The following DLC1 variants were observed in gnomAD, a reference collection of about 807,000 sequenced individuals.
The protein encoded by DLC1 is DLC1 Rho GTPase activating protein.
In DLC1, 54 loss-of-function variants were observed where a neutral mutation model predicts 140.3. The observed-to-expected ratio is 0.38, with a 90% CI of 0.31 to 0.48. The LOEUF (loss-of-function observed/expected upper bound fraction) is 0.48. Among genes scored for constraint, DLC1 ranks in the 20% least tolerant of loss-of-function variants. The pLI, the probability that DLC1 is intolerant of heterozygous loss-of-function variation, is 0.96. For synonymous variants in DLC1, 986 were observed against 728.1 expected, an observed-to-expected ratio of 1.35 and a Z score of -5.70; for missense variants, 2,536 against 1,907.0, an observed-to-expected ratio of 1.33 and a Z score of -6.14.
Position 13,264,720 on chromosome 8 carries a change from A to G in DLC1, c.1348+40549T>C, listed in dbSNP as rs557345787. ...TTGGATGTTTAAAATATTTAGTAAA[A>G]TAATCTTGGTATTAGTTAATTGATA... On this transcript the variant is annotated intron_variant, in intron 5 of 17. Transcript: ENST00000276297. 3.9e-5 allele frequency among the ~76,000 whole-genome samples: 6 copies of G among 152,352 alleles called. No homozygotes were observed. The South Asian group carries it at 1.2e-3, about 32-fold the overall frequency.
chr8:13,310,037 C>A (rs531872921), intron 4 of DLC1, among the ~76,000 whole-genome samples: 1 of 151,856 alleles, frequency 6.6e-6, no homozygotes, highest in Admixed American at 6.6e-5. Flanking sequence ...CCTCTTAGTT[C>A]TTTAGAATCA....
chr8:13,475,763 G>A (rs1028593388), intron 2 of DLC1, among the ~76,000 whole-genome samples: 2 of 152,174 alleles, frequency 1.3e-5, no homozygotes, highest in African/African-American at 4.8e-5. Flanking sequence ...AAGTGAGGCT[G>A]CAGTGAGTGG....
At chr8:13,224,412 A>G (rs1828694928) in intron 5 of DLC1, among the ~76,000 whole-genome samples, 1 of 152,176 alleles carries the variant, frequency 6.6e-6, no homozygotes, top group Non-Finnish European at 1.5e-5. Context: ...ACTGTTTATT[A>G]AGGGCTTGAG....
Position 13,431,090 on chromosome 8 carries a change from T to C in DLC1, c.1024-29471A>G, listed in dbSNP as rs973056864. 2.0e-5 allele frequency among the ~76,000 whole-genome samples: 3 copies of C among 152,230 alleles called. No homozygotes were observed. In the South Asian group the frequency reaches 6.2e-4, roughly 31 times the overall value. On this transcript the variant is annotated intron_variant, in intron 2 of 17. Coordinates refer to ENST00000276297, the MANE Select transcript of DLC1 (RefSeq NM_182643.3). ...TGAGTTTGAGCTCTTTAGGTTGTCC[T>C]TCTCAGAAACACTATTCAAAGTAGC...
At chr8:13,191,960 T>A (rs199677859) in intron 5 of DLC1, among the ~76,000 whole-genome samples, 2 of 99,116 alleles carry the variant, frequency 2.0e-5, no homozygotes, top group South Asian at 3.5e-4. Flanking sequence ...TATTATTATT[T>A]TTATGGAGTC....
chr8:13,144,548 G>A (rs560214962), intron 5 of DLC1, among the ~76,000 whole-genome samples: 2 of 152,226 alleles, frequency 1.3e-5, no homozygotes, highest in Admixed American at 6.5e-5. Flanking sequence ...GGCAGATCAC[G>A]AGATCAGGAG....
chr8:13,110,952 C>T, intron 6 of DLC1, 129 bp from the exon 7 acceptor site: 1 of 755,660 alleles, frequency 1.3e-6, no homozygotes. Context: ...ACACCTCATT[C>T]CCCGTCAAGT....
intron 4 of DLC1, among the ~76,000 whole-genome samples, chr8:13,314,731 G>C (rs767240049): frequency 1.3e-5 from 2 of 152,216 alleles, no homozygotes; most frequent in East Asian, 3.9e-4. Context: ...ACCACAAAAA[G>C]AATACAGATT....
At chr8:13,248,494 C>T (rs1469434667) in intron 5 of DLC1, among the ~76,000 whole-genome samples, 1 of 152,144 alleles carries the variant, frequency 6.6e-6, no homozygotes, top group Non-Finnish European at 1.5e-5. Flanking sequence ...TCCCCAGTTA[C>T]TCCCCCTTAT....
intron 3 of DLC1, among the ~76,000 whole-genome samples, chr8:13,396,294 C>T (rs552021007): frequency 6.6e-5 from 10 of 152,154 alleles, no homozygotes; most frequent in African/African-American, 1.4e-4. Context: ...CTCCTGACCT[C>T]GTGATCCGTC....
rs1216542830 is a variant in DLC1 at position 13,095,165 on chromosome 8, T to C, written c.3248A>G (p.Asn1083Ser). Residue 1083 changes from asparagine to serine, a missense_variant, in exon 11 of 18, where the codon AAC (asparagine) becomes AGC (serine). Asn to Ser is a conservative substitution (Grantham distance 46). Transcript: ENST00000276297. ...CAACGGTTGTCCTGTGCGCTGCACG[T>C]TGACCGTCAGTGGGACCCCAAACAC... ...RSVFGVPLTVNVQRTGQPLPQ... is the reference protein window; with the variant it reads ...RSVFGVPLTVSVQRTGQPLPQ... 7.4e-6 allele frequency: 12 copies of C among 1,614,148 alleles called. No individual in the cohort carries two copies. The highest frequency in any genetic ancestry group is 1.0e-5 in the Non-Finnish European group (12 of 1,180,058).
At chr8:13,474,172 T>C (rs1600792) in intron 2 of DLC1, among the ~76,000 whole-genome samples, 151,880 of 152,254 alleles carry the variant, frequency 1, 75,756 homozygotes, top group Middle Eastern at 1. Flanking sequence ...AGTCTGGGGA[T>C]TTGGTGGCCT....
At chr8:13,180,775 C>G (rs1379122009) in intron 5 of DLC1, among the ~76,000 whole-genome samples, 1 of 152,170 alleles carries the variant, frequency 6.6e-6, no homozygotes, top group African/African-American at 2.4e-5. Context: ...AAAACCATCA[C>G]ATGAAATTAA....
chr8:13,322,178 A>T (rs1294372169), intron 4 of DLC1, among the ~76,000 whole-genome samples: 1 of 152,190 alleles, frequency 6.6e-6, no homozygotes, highest in African/African-American at 2.4e-5. Context: ...TAAATGTGTT[A>T]ATTTCTTAAA....
At chr8:13,158,732 CT>C (rs747886209) in intron 5 of DLC1, among the ~76,000 whole-genome samples, 184 of 18,172 alleles carry the variant, frequency 0.01, no homozygotes, top group Non-Finnish European at 0.02. Flanking sequence ...AACCACCACC[CT>C]CCCCCCCCCC....
At chr8:13,394,305 C>G (rs1475056361) in intron 3 of DLC1, among the ~76,000 whole-genome samples, 1 of 152,184 alleles carries the variant, frequency 6.6e-6, no homozygotes, top group Admixed American at 6.5e-5. Flanking sequence ...ATAGTAGACA[C>G]TCATGGAGTT....
At chr8:13,565,699 AAGAG>A (rs370934370) in intron 1 of DLC1, among the ~76,000 whole-genome samples, 13 of 151,954 alleles carry the variant, frequency 8.6e-5, no homozygotes, top group East Asian at 1.9e-4. Context: ...CACAGGAAGA[AAGAG>A]AGAGAGAGAC....
intron 1 of DLC1, among the ~76,000 whole-genome samples, chr8:13,592,036 G>C (rs1369886705): frequency 6.6e-6 from 1 of 152,116 alleles, no homozygotes; most frequent in South Asian, 2.1e-4. Context: ...TTAAAGGCTT[G>C]GAACTGGGTA....
intron 5 of DLC1, among the ~76,000 whole-genome samples, chr8:13,213,599 C>T (rs374995139): frequency 2.0e-4 from 31 of 152,232 alleles, no homozygotes; most frequent in South Asian, 6.2e-4. Context: ...TCATTTCCGG[C>T]GAAAGAAACC....
Sources: allele counts gnomAD v4.1 joint callset (sites outside exome capture counted in the v4.1 genomes callset), GRCh38; gene constraint gnomAD v4.1.1; transcripts MANE v1.5; gene names NCBI Gene and HGNC (gene_info 2026-07-23, HGNC 2026-07-21).